Variants in FBN1 observed in about 807,000 individuals in gnomAD.
FBN1 encodes the protein fibrillin 1, also known as fibrillin-1.
A neutral mutation model predicts 365.1 loss-of-function variants in FBN1; 29 were observed. That is an observed-to-expected ratio of 0.08 (90% CI 0.06 to 0.11). The LOEUF (loss-of-function observed/expected upper bound fraction) is 0.11, where lower values mean the gene tolerates loss of function less well. Among genes scored for constraint, FBN1 ranks in the 10% least tolerant of loss-of-function variants. FBN1 has a pLI of 1.00. For synonymous variants in FBN1, 1,210 were observed against 1,270.5 expected, an observed-to-expected ratio of 0.95 and a Z score of 1.01; for missense variants, 2,476 against 3,703.2, an observed-to-expected ratio of 0.67 and a Z score of 8.60.
At chr15:48,505,406 T>A (rs1335250460) in intron 15 of FBN1, among the ~76,000 whole-genome samples, 1 of 152,078 alleles carries the variant, frequency 6.6e-6, no homozygotes, top group Non-Finnish European at 1.5e-5. Flanking sequence ...TCCAAAATAA[T>A]CACAAAGGCA....
chr15:48,413,523 G>A (rs1297976283), intron 64 of FBN1, among the ~76,000 whole-genome samples: 2 of 152,140 alleles, frequency 1.3e-5, no homozygotes, highest in Non-Finnish European at 2.9e-5. Flanking sequence ...AGGGAGGCTC[G>A]AATGTTTCAC....
chr15:48,640,401 A>G (rs1315036037), intron 2 of FBN1, among the ~76,000 whole-genome samples: 1 of 152,162 alleles, frequency 6.6e-6, no homozygotes, highest in Non-Finnish European at 1.5e-5. Context: ...GTCTTTCCCC[A>G]TATTTAATTA....
At chr15:48,638,559 A>G (rs1266660761) in intron 2 of FBN1, among the ~76,000 whole-genome samples, 2 of 150,610 alleles carry the variant, frequency 1.3e-5, no homozygotes, top group African/African-American at 4.9e-5. Flanking sequence ...CTCATAAAGG[A>G]TTTATGTTTT....
chr15:48,434,639 T>G lies in FBN1; in HGVS notation c.6571A>C (p.Thr2191Pro). Residue 2191 changes from threonine to proline, a missense_variant, in exon 54 of 66, where the codon ACC becomes CCC. Thr to Pro is a conservative substitution (Grantham distance 38). This residue lies in a region of FBN1 where 1,780 missense variants were observed against 2,840.8 expected (regional missense o/e 0.63). Transcript: ENST00000316623. ...CCGGGCTCAAATCCCTCCTCGCAGG[T>G]GCATTCAAAACCTCCAATCACATTC... ...CKNVIGGFEC[T>P]CEEGFEPGPM... is the part of the protein sequence containing the mutation. 6.2e-7 allele frequency: 1 copy of G among 1,613,808 alleles called. No individual in the cohort carries two copies. Among genetic ancestry groups the G allele is most frequent in the Non-Finnish European group, 8.5e-7 (1 of 1,179,794 alleles).
intron 10 of FBN1, among the ~76,000 whole-genome samples, chr15:48,517,763 G>A (rs1346226060): frequency 6.6e-6 from 1 of 151,940 alleles, no homozygotes; most frequent in Non-Finnish European, 1.5e-5. Context: ...TAGGATTTTG[G>A]TAATTTTATT....
At chr15:48,411,452 G>C in intron 65 of FBN1, 73 bp from the exon 66 acceptor site, 2 of 1,424,100 alleles carry the variant, frequency 1.4e-6, no homozygotes, top group South Asian at 1.2e-5. Flanking sequence ...AAGAAAAAAT[G>C]ACTCAAATTT....
At chr15:48,470,474 A>G (rs1170202907) in intron 36 of FBN1, among the ~76,000 whole-genome samples, 160 bp downstream of exon 36, 1 of 152,184 alleles carries the variant, frequency 6.6e-6, no homozygotes, top group Non-Finnish European at 1.5e-5. Context: ...CCTCACCTCC[A>G]ATCAGTTCCA....
intron 9 of FBN1, among the ~76,000 whole-genome samples, chr15:48,522,818 A>G (rs1702178125): frequency 6.6e-6 from 1 of 152,238 alleles, no homozygotes; most frequent in Admixed American, 6.5e-5. Flanking sequence ...TTATTTCCGA[A>G]AAGTACTTAA....
intron 6 of FBN1, among the ~76,000 whole-genome samples, chr15:48,562,700 C>T (rs958522990): frequency 1.3e-5 from 2 of 152,168 alleles, no homozygotes; most frequent in African/African-American, 4.8e-5. Flanking sequence ...CCAACTTGCT[C>T]GCTGGCAGGA....
intron 45 of FBN1, among the ~76,000 whole-genome samples, chr15:48,450,892 C>T (rs558909026): frequency 2.0e-5 from 3 of 152,062 alleles, no homozygotes; most frequent in Non-Finnish European, 4.4e-5. Context: ...TATAGAATAG[C>T]ATTTAAAGAT....
intron 9 of FBN1, among the ~76,000 whole-genome samples, chr15:48,522,878 G>T (rs1245547862): frequency 6.6e-6 from 1 of 152,138 alleles, no homozygotes; most frequent in Non-Finnish European, 1.5e-5. Flanking sequence ...TGTGGTTCCA[G>T]TTCCTGTACC....
At chr15:48,615,548 G>C (rs1889635514) in intron 2 of FBN1, among the ~76,000 whole-genome samples, 3 of 152,022 alleles carry the variant, frequency 2.0e-5, no homozygotes, top group Admixed American at 6.6e-5. Flanking sequence ...ATTTACTATA[G>C]TTACAAAAGA....
chr15:48,567,704 C>T (rs1566928659), intron 6 of FBN1, among the ~76,000 whole-genome samples: 1 of 152,052 alleles, frequency 6.6e-6, no homozygotes, highest in Non-Finnish European at 1.5e-5. Flanking sequence ...GAATAACAGA[C>T]AAAAACCACA....
At chr15:48,462,791 T>C (rs1313950032) in intron 42 of FBN1, among the ~76,000 whole-genome samples, 1 of 152,266 alleles carries the variant, frequency 6.6e-6, no homozygotes, top group Non-Finnish European at 1.5e-5. Context: ...GTCTTTTAGA[T>C]ACATGAAGAA....
At chr15:48,631,237 C>T (rs1290341112) in intron 2 of FBN1, among the ~76,000 whole-genome samples, 2 of 147,794 alleles carry the variant, frequency 1.4e-5, no homozygotes, top group Admixed American at 6.6e-5. Flanking sequence ...AGAAGAAGAA[C>T]AAATAAGAAT....
intron 43 of FBN1, among the ~76,000 whole-genome samples, chr15:48,457,790 C>T (rs2043252260): frequency 6.6e-6 from 1 of 152,094 alleles, no homozygotes; most frequent in African/African-American, 2.4e-5. Flanking sequence ...GGTCTCGGTA[C>T]TATGACTATT....
At chr15:48,476,302 G>A (rs1257212021) in intron 32 of FBN1, among the ~76,000 whole-genome samples, 2 of 152,138 alleles carry the variant, frequency 1.3e-5, no homozygotes, top group African/African-American at 4.8e-5. Flanking sequence ...GTGGAGTTTT[G>A]CCTAAATTTC....
In FBN1 at chr15:48,617,744, C is replaced by T. The variant is rs371422043; in HGVS notation, c.165-4652G>A. Among the ~76,000 whole-genome samples the T allele has an allele frequency of 1.4e-4, 21 of 152,272 alleles. No individual in the cohort carries two copies. In the East Asian group the frequency reaches 3.5e-3, roughly 25 times the overall value. ...GTGGACTGGCAAAAGCCTCTCTCAA[C>T]GGAGCAAACAGCTGGCCTCTACCAC... On this transcript the variant is annotated intron_variant, in intron 2 of 65. Coordinates refer to ENST00000316623, the MANE Select transcript of FBN1 (RefSeq NM_000138.5).
chr15:48,434,777 G>A, intron 53 of FBN1, 64 bp from the exon 54 acceptor site: 7 of 1,589,620 alleles, frequency 4.4e-6, no homozygotes, highest in Non-Finnish European at 6.0e-6. Flanking sequence ...TATTCTATCA[G>A]AGGATTTTAA....
Sources: gnomAD v4.1 joint callset for allele counts (sites outside exome capture counted in the v4.1 genomes callset) on GRCh38, gnomAD v4.1.1 for gene constraint, gnomAD v4.1.1 regional missense constraint, MANE v1.5 for transcripts, NCBI Gene and HGNC (gene_info 2026-07-23, HGNC 2026-07-21) for gene names.